Variants in ABCC1 observed in about 807,000 individuals in gnomAD.
ABCC1 encodes multidrug resistance-associated protein 1.
In ABCC1, 83 loss-of-function variants were observed where a neutral mutation model predicts 172.9. The ratio of observed to expected loss-of-function variants is 0.48; its 90% CI spans 0.40 to 0.58. The LOEUF (loss-of-function observed/expected upper bound fraction) is 0.58, where lower values mean the gene tolerates loss of function less well. Ranked by LOEUF, ABCC1 falls within the 20% of genes least tolerant of loss-of-function variation. The pLI is 0.00. For missense variants in ABCC1, 1,817 were observed against 2,002.7 expected, an observed-to-expected ratio of 0.91 and a Z score of 1.77; for synonymous variants, 937 against 825.2, an observed-to-expected ratio of 1.14 and a Z score of -2.32.
chr16:15,979,297 C>G (rs1212004025), intron 1 of ABCC1, among the ~76,000 whole-genome samples: 1 of 144,308 alleles, frequency 6.9e-6, no homozygotes, highest in Non-Finnish European at 1.6e-5. Flanking sequence ...CTCAAACAAA[C>G]AAACAAACAA....
chr16:16,107,794 T>C (rs1262253373), intron 21 of ABCC1, among the ~76,000 whole-genome samples: 1 of 152,102 alleles, frequency 6.6e-6, no homozygotes, highest in East Asian at 1.9e-4. Context: ...ATCCAAAGTT[T>C]ATTTTTAAAA....
chr16:16,013,034 A>AG (rs2047851908), intron 3 of ABCC1, among the ~76,000 whole-genome samples: 1 of 151,918 alleles, frequency 6.6e-6, no homozygotes, highest in African/African-American at 2.4e-5. Flanking sequence ...TGGGGGAAAC[A>AG]GGGGTGATAG....
chr16:16,119,274 C>T (rs1414850185), intron 23 of ABCC1, among the ~76,000 whole-genome samples: 10 of 152,212 alleles, frequency 6.6e-5, no homozygotes, highest in Non-Finnish European at 1.5e-4. Context: ...AACCTGGTCT[C>T]TACAGAAAAT....
intron 1 of ABCC1, among the ~76,000 whole-genome samples, chr16:15,952,838 T>A (rs2045907113): frequency 7.4e-6 from 1 of 135,534 alleles, no homozygotes; most frequent in Non-Finnish European, 1.5e-5. Context: ...GAGACCAGCC[T>A]AGGCAACATG....
intron 13 of ABCC1, among the ~76,000 whole-genome samples, chr16:16,071,263 T>A (rs982553951): frequency 6.7e-6 from 1 of 149,148 alleles, no homozygotes; most frequent in Admixed American, 6.7e-5. Flanking sequence ...TTTATGTATT[T>A]TTTTTTTTTT....
At chr16:16,133,109 A>T (rs2045768066) in intron 27 of ABCC1, among the ~76,000 whole-genome samples, 1 of 152,114 alleles carries the variant, frequency 6.6e-6, no homozygotes, top group African/African-American at 2.4e-5. Flanking sequence ...AAATTGTCAG[A>T]ATTTTGGAAC....
intron 1 of ABCC1, among the ~76,000 whole-genome samples, chr16:15,981,300 C>G (rs552498236): frequency 3.9e-5 from 6 of 152,350 alleles, no homozygotes; most frequent in African/African-American, 1.4e-4. Context: ...CCAATGGGGA[C>G]TGTATGGGGC....
At chr16:16,112,621 G>T (rs191357622) in intron 22 of ABCC1, among the ~76,000 whole-genome samples, 1 of 152,318 alleles carries the variant, frequency 6.6e-6, no homozygotes, top group Non-Finnish European at 1.5e-5. Flanking sequence ...GTTGCCAAAA[G>T]TCACACAGCT....
chr16:16,059,816 C>T (rs922118505), intron 12 of ABCC1, among the ~76,000 whole-genome samples: 1 of 151,016 alleles, frequency 6.6e-6, no homozygotes, highest in Non-Finnish European at 1.5e-5. Context: ...TGCTGCCCCC[C>T]CACCCCCTCC....
intron 26 of ABCC1, among the ~76,000 whole-genome samples, chr16:16,127,862 C>T (rs1330629644): frequency 2.0e-5 from 3 of 151,662 alleles, no homozygotes; most frequent in Admixed American, 6.6e-5. Flanking sequence ...TGTATTACAC[C>T]GGCGGCTTCC....
chr16:16,010,232 T>G (rs2047727660), intron 3 of ABCC1, among the ~76,000 whole-genome samples: 1 of 151,834 alleles, frequency 6.6e-6, no homozygotes, highest in Non-Finnish European at 1.5e-5. Context: ...TTTTAAATTT[T>G]TCTGTAGAAA....
intron 5 of ABCC1, among the ~76,000 whole-genome samples, chr16:16,018,203 G>GGT (rs1297589152): frequency 6.6e-6 from 1 of 152,160 alleles, no homozygotes; most frequent in Non-Finnish European, 1.5e-5. Context: ...GAAAGGGCTT[G>GGT]GTGGGCATCA....
intron 26 of ABCC1, among the ~76,000 whole-genome samples, chr16:16,129,103 C>G (rs951012355): frequency 2.6e-5 from 4 of 152,202 alleles, no homozygotes; most frequent in African/African-American, 9.6e-5. Context: ...GGGTGAATTT[C>G]CCCCAAAACT....
At chr16:16,096,929 G>T (rs551833157) in intron 19 of ABCC1, among the ~76,000 whole-genome samples, 1 of 148,294 alleles carries the variant, frequency 6.7e-6, no homozygotes, top group East Asian at 2.0e-4. Flanking sequence ...AAAAAAAAAA[G>T]AAAGAACTCT....
intron 5 of ABCC1, among the ~76,000 whole-genome samples, chr16:16,017,760 CAT>C (rs1490170493): frequency 4.6e-5 from 7 of 152,002 alleles, no homozygotes; most frequent in Non-Finnish European, 5.9e-5. Flanking sequence ...TGCCCAGGCT[CAT>C]GTGCAGCTTT....
intron 16 of ABCC1, among the ~76,000 whole-genome samples, chr16:16,082,373 A>C (rs931097123): frequency 6.6e-6 from 1 of 152,210 alleles, no homozygotes. Context: ...GCTTGAGGCC[A>C]GGAGTTTGAG....
chr16:16,102,721 A>T lies in ABCC1; in HGVS notation c.2735+4A>T. On this transcript the variant is annotated splice_donor_region_variant and intron_variant, in intron 20 of 30. Transcript: ENST00000399410. ...GTGCAGGGAAGCAACTGCAGAGGTA[A>T]GGGCGGGGAGGAAGGCCCCAACCTA... 53 of 1,566,760 alleles carry T rather than the reference A, an allele frequency of 3.4e-5. No individual in the cohort carries two copies. The highest frequency in any genetic ancestry group is 4.6e-5 in the Non-Finnish European group (53 of 1,155,462).
intron 18 of ABCC1, among the ~76,000 whole-genome samples, chr16:16,088,924 G>A (rs2051126251): frequency 6.6e-6 from 1 of 152,016 alleles, no homozygotes; most frequent in Admixed American, 6.5e-5. Context: ...TCCCAGGCTG[G>A]TTTCAAACTC....
chr16:16,076,481 G>A (rs769449746), intron 15 of ABCC1, 80 bp downstream of exon 15: 5 of 1,354,142 alleles, frequency 3.7e-6, no homozygotes, highest in African/African-American at 1.5e-5. Flanking sequence ...AATTCCCACC[G>A]TGCTCCCTCT....
Sources: allele counts gnomAD v4.1 joint callset (sites outside exome capture counted in the v4.1 genomes callset), GRCh38; gene constraint gnomAD v4.1.1; transcripts MANE v1.5; gene names NCBI Gene and HGNC (gene_info 2026-07-23, HGNC 2026-07-21).